The following VRK2 variants were observed in gnomAD, a reference collection of about 807,000 sequenced individuals.
The protein encoded by VRK2 is serine/threonine-protein kinase VRK2.
VRK2 carries 60 observed loss-of-function variants against 57.6 expected under a neutral mutation model. The observed-to-expected ratio is 1.04, with a 90% CI of 0.85 to 1.29. The LOEUF (loss-of-function observed/expected upper bound fraction) is 1.29. VRK2 is among the 50% of genes most tolerant of loss of function. The pLI is 0.00. For missense variants in VRK2, 705 were observed against 588.1 expected, an observed-to-expected ratio of 1.20 and a Z score of -2.06; for synonymous variants, 231 against 199.2, an observed-to-expected ratio of 1.16 and a Z score of -1.35.
chr2:57,970,861 GT>G (rs1236273679), intron 1 of VRK2, among the ~76,000 whole-genome samples: 1 of 151,788 alleles, frequency 6.6e-6, no homozygotes, highest in Non-Finnish European at 1.5e-5. Flanking sequence ...CTCAGACATT[GT>G]TACATTTTAT....
intron 10 of VRK2, among the ~76,000 whole-genome samples, chr2:58,137,081 T>TATATCATATATAAC (rs1558686062): frequency 5.3e-4 from 35 of 66,664 alleles, no homozygotes; most frequent in African/African-American, 2.0e-3. Flanking sequence ...ATATATAACA[T>TATATCATATATAAC]ATATATGTGT....
chr2:57,928,189 C>G (rs763631778), intron 1 of VRK2, among the ~76,000 whole-genome samples: 1 of 152,066 alleles, frequency 6.6e-6, no homozygotes, highest in Admixed American at 6.6e-5. Context: ...ATCTGGCAAA[C>G]CTTGTAAATA....
chr2:58,048,467 C>T lies in VRK2; in HGVS notation c.-5-360C>T. The T allele has an allele frequency of 5.2e-6, 5 of 958,440 alleles. No individual in the cohort carries two copies. The South Asian group carries it at 7.7e-5, about 15-fold the overall frequency. 59.4% of individuals were successfully genotyped at this position (958,440 alleles called of 1,614,324 possible). A position where few individuals can be genotyped will look rare whatever the true frequency, so the allele number is the denominator to read the frequency against. ...ACATTCTCAGTGACAGCAATATTTC[C>T]ATGTACATGAAATTTATTTTCTTTC... On this transcript the variant is annotated intron_variant, in intron 1 of 12. Coordinates refer to ENST00000340157, the MANE Select transcript of VRK2 (RefSeq NM_006296.7).
At chr2:58,012,444 G>A (rs768829407) in intron 1 of VRK2, among the ~76,000 whole-genome samples, 1 of 152,166 alleles carries the variant, frequency 6.6e-6, no homozygotes, top group Non-Finnish European at 1.5e-5. Flanking sequence ...GCAACCAGAA[G>A]CTCCTCTAAC....
chr2:58,155,704 G>C (rs933123264), intron 12 of VRK2, among the ~76,000 whole-genome samples: 1 of 151,670 alleles, frequency 6.6e-6, no homozygotes, highest in Non-Finnish European at 1.5e-5. Flanking sequence ...TACTCAACAG[G>C]ACTGTACCCT....
At chr2:58,045,741 C>G (rs1674691864), upstream of VRK2, among the ~76,000 whole-genome samples, 1 of 152,140 alleles carries the variant, frequency 6.6e-6, no homozygotes, top group Admixed American at 6.5e-5. Context: ...GTATTTGTAT[C>G]CCAACCAATT....
intron 1 of VRK2, among the ~76,000 whole-genome samples, chr2:57,936,566 C>A (rs1488829117): frequency 6.8e-6 from 1 of 147,662 alleles, no homozygotes; most frequent in African/African-American, 2.5e-5. Context: ...TCACTCTGTC[C>A]TCTGTTGTCC....
chr2:58,066,080 A>G (rs1372941155), intron 2 of VRK2, among the ~76,000 whole-genome samples: 1 of 152,158 alleles, frequency 6.6e-6, no homozygotes, highest in Admixed American at 6.6e-5. Context: ...TTCCTTTCCA[A>G]ATGTGTGCTT....
intron 8 of VRK2, among the ~76,000 whole-genome samples, chr2:58,128,108 G>T (rs2104519711): frequency 6.6e-6 from 1 of 152,228 alleles, no homozygotes; most frequent in African/African-American, 2.4e-5. Flanking sequence ...TAACTTGAAA[G>T]AAATAGTTTC....
At chr2:58,132,959 T>G (rs558966467) in intron 9 of VRK2, among the ~76,000 whole-genome samples, 1 of 152,320 alleles carries the variant, frequency 6.6e-6, no homozygotes, top group South Asian at 2.1e-4. Context: ...TGTGTCCATA[T>G]TAACTTTCAT....
At chr2:58,117,356 A>G (rs1354291745) in intron 7 of VRK2, among the ~76,000 whole-genome samples, 2 of 152,156 alleles carry the variant, frequency 1.3e-5, no homozygotes, top group African/African-American at 2.4e-5. Context: ...CACAGAAGGA[A>G]ACTGTAAGCC....
chr2:57,929,757 G>A (rs1477991443), intron 1 of VRK2, among the ~76,000 whole-genome samples: 3 of 152,116 alleles, frequency 2.0e-5, no homozygotes, highest in Admixed American at 2.0e-4. Context: ...CAGGGTCCAA[G>A]GCTCTTTAGT....
chr2:57,991,580 G>A (rs971515311), intron 1 of VRK2, among the ~76,000 whole-genome samples: 1 of 152,054 alleles, frequency 6.6e-6, no homozygotes, highest in Non-Finnish European at 1.5e-5. Context: ...ACATTCATGT[G>A]TTAGTTCACA....
intron 2 of VRK2, among the ~76,000 whole-genome samples, chr2:58,051,743 G>T (rs1675779800): frequency 6.6e-6 from 1 of 152,196 alleles, no homozygotes; most frequent in Non-Finnish European, 1.5e-5. Context: ...GGGCCTTTCG[G>T]TAATCAGCAG....
intron 1 of VRK2, among the ~76,000 whole-genome samples, chr2:57,942,954 A>AT (rs1427616080): frequency 6.6e-6 from 1 of 152,088 alleles, no homozygotes; most frequent in African/African-American, 2.4e-5. Flanking sequence ...CTCCCTATAT[A>AT]TTTTTTAATT....
chr2:58,058,619 G>A (rs954840016), intron 2 of VRK2: 10 of 241,386 alleles, frequency 4.1e-5, no homozygotes, highest in African/African-American at 2.3e-4. Context: ...TAGTAGATGT[G>A]TCAGATGTGT....
chr2:58,131,902 T>C lies in VRK2; in HGVS notation c.771T>C (p.Pro257=), dbSNP rs1022369128. ...KLPWEQNLKD[P]VAVQTAKTNL... Reference sequence around the variant, plus strand: ...CCTGGGAACAGAACCTGAAGGACCCTGTGGCTGTGCAGACTGCTAAAACAA... The same window carrying C: ...CCTGGGAACAGAACCTGAAGGACCCCGTGGCTGTGCAGACTGCTAAAACAA... Residue 257 remains proline, a synonymous_variant, in exon 9 of 13, where the codon CCT becomes CCC. Coordinates refer to ENST00000340157, the MANE Select transcript of VRK2 (RefSeq NM_006296.7). The C allele has an allele frequency of 6.2e-7, 1 of 1,614,034 alleles. No homozygotes were observed. Among genetic ancestry groups the C allele is most frequent in the Non-Finnish European group, 8.5e-7 (1 of 1,180,004 alleles).
intron 10 of VRK2, among the ~76,000 whole-genome samples, chr2:58,135,717 A>T (rs938236993): frequency 2.0e-5 from 3 of 152,162 alleles, no homozygotes; most frequent in Non-Finnish European, 2.9e-5. Flanking sequence ...TGGGATTTGG[A>T]GGTATATTTC....
chr2:57,919,970 A>G (rs894935073), intron 1 of VRK2, among the ~76,000 whole-genome samples: 4 of 152,238 alleles, frequency 2.6e-5, no homozygotes, highest in Admixed American at 2.6e-4. Context: ...TTCAAATTAG[A>G]TAGTAATTAA....
Sources: gnomAD v4.1 joint callset for allele counts (sites outside exome capture counted in the v4.1 genomes callset) on GRCh38, gnomAD v4.1.1 for gene constraint, MANE v1.5 for transcripts, NCBI Gene and HGNC (gene_info 2026-07-23, HGNC 2026-07-21) for gene names.